Variants in DNAH17 observed in about 807,000 individuals in gnomAD.
The protein encoded by DNAH17 is axonemal beta dynein heavy chain 17.
In DNAH17, 376 loss-of-function variants were observed where a neutral mutation model predicts 485.6. The ratio of observed to expected loss-of-function variants is 0.77; its 90% confidence interval spans 0.71 to 0.84. DNAH17 has a LOEUF of 0.84. DNAH17 is among the 40% of genes least tolerant of loss of function. The pLI, the probability that DNAH17 is intolerant of heterozygous loss-of-function variation, is 0.00. For missense variants in DNAH17, 6,370 were observed against 5,839.3 expected (o/e 1.09, Z -2.96); for synonymous variants, 3,031 against 2,405.9 (o/e 1.26, Z -7.60).
Position 78,429,255 on chromosome 17 carries a change from C to A in DNAH17, c.12271G>T (p.Gly4091Cys). The A allele has an allele frequency of 2.5e-6, 4 of 1,613,980 alleles. No homozygotes were observed. The highest frequency in any genetic ancestry group is 3.4e-6 in the Non-Finnish European group (4 of 1,179,908). Residue 4091 changes from glycine (G) to cysteine (C), a missense_variant, in exon 76 of 81, where the codon GGC becomes TGC. Gly to Cys is a radical substitution (Grantham distance 159). Coordinates refer to ENST00000389840, the MANE Select transcript of DNAH17 (RefSeq NM_173628.4). ...LRYLFGEIMY[G>C]GHITDDWDRR... ...TCCCAGTCATCTGTGATGTGGCCGC[C>A]ATACATGATTTCACCAAAAAGGTAG...
intron 27 of DNAH17, among the ~76,000 whole-genome samples, chr17:78,508,969 G>GT (rs112772580): frequency 0.43 from 42,336 of 98,206 alleles, 9,562 homozygotes; most frequent in African/African-American, 0.56. Flanking sequence ...GTGCCCAGCT[G>GT]TTTTTTTTTT....
chr17:78,512,704 G>A (rs1208316766), intron 26 of DNAH17, among the ~76,000 whole-genome samples: 2 of 152,136 alleles, frequency 1.3e-5, no homozygotes, highest in Non-Finnish European at 2.9e-5. Context: ...CACTTTGGGA[G>A]GCCAAGGCTG....
rs376988046 is a variant in DNAH17 at position 78,485,740 on chromosome 17, G to A, written c.7293C>T (p.Thr2431=). 1.0e-4 allele frequency: 165 copies of A among 1,612,198 alleles called. No individual in the cohort carries two copies. Among genetic ancestry groups the A allele is most frequent in the Non-Finnish European group, 1.4e-4 (163 of 1,179,848 alleles). Residue 2431 remains threonine, a synonymous_variant, in exon 47 of 81, where the codon ACC becomes ACT. Coordinates refer to ENST00000389840, the MANE Select transcript of DNAH17 (RefSeq NM_173628.4). ...AGTAGCGGATGCGGATGGTTTCCGTGGTGTGGACCAAAGAGGCCTGGGGCA... is the reference window on the plus strand; with the variant it reads ...AGTAGCGGATGCGGATGGTTTCCGTAGTGTGGACCAAAGAGGCCTGGGGCA... ...DVPLQASLVH[T]TETIRIRYFM...
At chr17:78,513,596 C>T (rs12600344) in intron 26 of DNAH17, among the ~76,000 whole-genome samples, 57,954 of 151,936 alleles carry the variant, frequency 0.38, 11,300 homozygotes, top group East Asian at 0.48. Flanking sequence ...CTACCACGCT[C>T]GGCTGATTTT....
At chr17:78,546,947 G>A (rs143468938) in intron 16 of DNAH17, among the ~76,000 whole-genome samples, 175 of 151,842 alleles carry the variant, frequency 1.2e-3, no homozygotes, top group East Asian at 4.3e-3. Flanking sequence ...CATTATCCAC[G>A]TTTAGGAATT....
rs541773498 is a variant in DNAH17 at position 78,569,320 on chromosome 17, G to A, written c.1197+55C>T. 8 of 1,603,766 alleles carry A rather than the reference G, an allele frequency of 5.0e-6. No individual in the cohort carries two copies. In the African/African-American group the frequency reaches 8.0e-5, roughly 16 times the overall value. On this transcript the variant is annotated intron_variant, in intron 8 of 80. Coordinates refer to ENST00000389840, the MANE Select transcript of DNAH17 (RefSeq NM_173628.4). ...TGTCCCAAGTTTATCAAATATCGGGGCTCATATGAACTCACTCGTCCTGCC... is the reference window on the plus strand; with the variant it reads ...TGTCCCAAGTTTATCAAATATCGGGACTCATATGAACTCACTCGTCCTGCC...
chr17:78,460,261 G>A lies in DNAH17; in HGVS notation c.9340-4C>T, dbSNP rs1353763331. The A allele has an allele frequency of 2.5e-6, 4 of 1,592,160 alleles. No individual in the cohort carries two copies. The South Asian group carries it at 4.5e-5, about 18-fold the overall frequency. ...CCTTTTGCTTCTCAGTGACGTTCTG[G>A]AAGGAAGATGGACAGGAGAGGTTAC... On this transcript the variant is annotated splice_polypyrimidine_tract_variant and splice_region_variant and intron_variant, in intron 58 of 80. Coordinates refer to ENST00000389840, the MANE Select transcript of DNAH17 (RefSeq NM_173628.4).
intron 72 of DNAH17, among the ~76,000 whole-genome samples, chr17:78,440,413 T>C (rs2087028866): frequency 6.6e-6 from 1 of 152,036 alleles, no homozygotes; most frequent in African/African-American, 2.4e-5. Flanking sequence ...TACACCACCA[T>C]ACCTGGCTAC....
intron 47 of DNAH17, chr17:78,485,264 C>G (rs565114003): frequency 1.0e-4 from 65 of 641,524 alleles, no homozygotes; most frequent in Non-Finnish European, 7.9e-5. Context: ...CTCTCCGTCA[C>G]CTTTGGGTCG....
At chr17:78,572,951 GCA>G (rs2143746365) in intron 2 of DNAH17, 57 bp from the exon 3 acceptor site, 4 of 1,511,566 alleles carry the variant, frequency 2.6e-6, no homozygotes, top group East Asian at 4.6e-5. Context: ...CTCGGCAACC[GCA>G]CAGAGCCAGG....
At chr17:78,425,921 A>G (rs947003527) in intron 79 of DNAH17, among the ~76,000 whole-genome samples, 2 of 152,168 alleles carry the variant, frequency 1.3e-5, no homozygotes, top group Non-Finnish European at 1.5e-5. Flanking sequence ...GCAGGCCACC[A>G]TGCCCAGCTT....
intron 25 of DNAH17, among the ~76,000 whole-genome samples, chr17:78,517,255 ACCGGTCTCAAACTC>A (rs1412403571): frequency 1.3e-5 from 2 of 152,164 alleles, no homozygotes; most frequent in Non-Finnish European, 1.5e-5. Flanking sequence ...TGTTGGCCAG[ACCGGTCTCAAACTC>A]CCGGCCTCAA....
chr17:78,554,484 T>C (rs2091978365), intron 14 of DNAH17, among the ~76,000 whole-genome samples: 1 of 144,302 alleles, frequency 6.9e-6, no homozygotes, highest in Non-Finnish European at 1.5e-5. Flanking sequence ...ATAGGTTCTA[T>C]ATAGTTTTGT....
Position 78,554,436 on chromosome 17 carries a change from C to CAAAAAAAAAAAAAAAA in DNAH17, c.2179-1647_2179-1632dup, listed in dbSNP as rs55701739. Among the ~76,000 whole-genome samples the CAAAAAAAAAAAAAAAA allele has an allele frequency of 1.9e-4, 6 of 32,238 alleles. 1 individual carries two copies. The highest frequency in any genetic ancestry group is 2.2e-4 in the Non-Finnish European group (4 of 17,982). 21.1% of individuals were successfully genotyped at this position (32,238 alleles called of 152,430 possible). A position where few individuals can be genotyped will look rare whatever the true frequency, so the allele number is the denominator to read the frequency against. On this transcript the variant is annotated intron_variant, in intron 14 of 80. Coordinates refer to ENST00000389840, the MANE Select transcript of DNAH17 (RefSeq NM_173628.4). The stretch of plus-strand genomic sequence containing the variant: ...TGGACAATAGAATGAGACTCTGTCT[C>CAAAAAAAAAAAAAAAA]AAAAAAAAAAAAAAAAAAAAAAAAA...
Position 78,483,633 on chromosome 17 carries a change from A to AAATAAT in DNAH17, c.7649+1229_7649+1234dup, listed in dbSNP as rs536576212. Among the ~76,000 whole-genome samples, 104 of 65,484 alleles carry AAATAAT rather than the reference A, an allele frequency of 1.6e-3. 1 individual carries two copies. The highest frequency in any genetic ancestry group is 5.1e-3 in the African/African-American group (90 of 17,586). The allele number at this position is 65,484 out of a possible 152,430, so 43.0% of individuals were successfully genotyped here. A position where few individuals can be genotyped will look rare whatever the true frequency, so the allele number is the denominator to read the frequency against. ...CAGCAAGAGCGAAACTCTGTCTTGG[A>AAATAAT]AATAATAATAATAATAATAATAATA... On this transcript the variant is annotated intron_variant, in intron 48 of 80. Coordinates refer to ENST00000389840, the MANE Select transcript of DNAH17 (RefSeq NM_173628.4).
chr17:78,484,397 C>T (rs1182409645), intron 48 of DNAH17, among the ~76,000 whole-genome samples: 2 of 152,146 alleles, frequency 1.3e-5, no homozygotes, highest in East Asian at 3.9e-4. Context: ...CAGGACACTG[C>T]TGCCAGCTTC....
chr17:78,486,590 C>A (rs2089620290), intron 44 of DNAH17, 84 bp from the exon 45 acceptor site: 2 of 1,469,058 alleles, frequency 1.4e-6, no homozygotes, highest in Non-Finnish European at 1.8e-6. Context: ...CCCTCCCTAC[C>A]TCCACCCAAT....
intron 25 of DNAH17, among the ~76,000 whole-genome samples, chr17:78,524,361 C>T (rs1387264310): frequency 6.6e-6 from 1 of 152,180 alleles, no homozygotes; most frequent in African/African-American, 2.4e-5. Context: ...TGTTCTCAAA[C>T]TTCTGACCTC....
intron 80 of DNAH17, 159 bp from the exon 81 acceptor site, chr17:78,424,312 G>T: frequency 1.2e-6 from 1 of 859,112 alleles, no homozygotes; most frequent in Middle Eastern, 3.6e-4. Flanking sequence ...AGAGGCCTTC[G>T]TAGGTGATGG....
Sources: gnomAD v4.1 joint callset for allele counts (sites outside exome capture counted in the v4.1 genomes callset) on GRCh38, gnomAD v4.1.1 for gene constraint, MANE v1.5 for transcripts, NCBI Gene and HGNC (gene_info 2026-07-23, HGNC 2026-07-21) for gene names.